GPC6: variants seen among roughly 807,000 people sequenced by gnomAD.
The protein encoded by GPC6 is glypican 6.
Under a neutral mutation model 55.2 loss-of-function variants are expected in GPC6, and 14 were observed. The observed-to-expected ratio is 0.25, with a 90% CI of 0.17 to 0.40. The LOEUF (loss-of-function observed/expected upper bound fraction) is 0.40, where lower values mean the gene tolerates loss of function less well. GPC6 is among the 10% of genes least tolerant of loss of function. The pLI is 1.00. For missense variants in GPC6, 641 were observed against 708.5 expected, an observed-to-expected ratio of 0.90 and a Z score of 1.08; for synonymous variants, 278 against 259.6, an observed-to-expected ratio of 1.07 and a Z score of -0.68.
rs762032774 is a variant in GPC6, at chr13:94,388,601, A to G, written c.1289+6051A>G. On this transcript the variant is annotated intron_variant, in intron 7 of 8. Transcript: ENST00000377047. ...TTTATTCAATTAGTGTCTTAGCTCAAAAAATACCACAGATATAATAGACTA... is the reference window on the plus strand; with the variant it reads ...TTTATTCAATTAGTGTCTTAGCTCAGAAAATACCACAGATATAATAGACTA... Among the ~76,000 whole-genome samples the G allele has an allele frequency of 1.4e-4, 21 of 152,230 alleles. 1 individual carries two copies. The highest frequency in any genetic ancestry group is 6.5e-5 in the Admixed American group (1 of 15,288).
rs537560395 is a variant in GPC6, at chr13:93,647,563, A to G, written c.319+102142A>G. 1.1e-3 allele frequency among the ~76,000 whole-genome samples: 164 copies of G among 152,280 alleles called. 1 individual carries two copies. Among genetic ancestry groups the G allele is most frequent in the African/African-American group, 3.8e-3 (159 of 41,578 alleles). On this transcript the variant is annotated intron_variant, in intron 2 of 8. Transcript: ENST00000377047. ...ATGCTGAGGCCTGCAGAGACCAGAC[A>G]TGACTTAGGACGTGGATGAGGCTCA...
chr13:93,824,893 A>G (rs1234115460), intron 2 of GPC6, among the ~76,000 whole-genome samples: 2 of 151,998 alleles, frequency 1.3e-5, no homozygotes, highest in Non-Finnish European at 2.9e-5. Context: ...ACCACTTTTT[A>G]AGGCACTATC....
chr13:93,339,806 A>C (rs563336989), intron 1 of GPC6, among the ~76,000 whole-genome samples: 2 of 152,306 alleles, frequency 1.3e-5, no homozygotes, highest in South Asian at 4.1e-4. Flanking sequence ...TACATCAAAA[A>C]AGCTCTGCTT....
At chr13:93,295,494 T>C (rs1878463238) in intron 1 of GPC6, among the ~76,000 whole-genome samples, 1 of 151,870 alleles carries the variant, frequency 6.6e-6, no homozygotes, top group African/African-American at 2.4e-5. Context: ...TTGTTTTTTG[T>C]TTGTTTGTGT....
chr13:94,331,954 G>T (rs761455966), intron 6 of GPC6, among the ~76,000 whole-genome samples: 1 of 152,078 alleles, frequency 6.6e-6, no homozygotes, highest in Non-Finnish European at 1.5e-5. Flanking sequence ...GTCAATAAGC[G>T]ATGGAGAAAT....
chr13:93,428,474 C>T (rs2139270781), intron 1 of GPC6, among the ~76,000 whole-genome samples: 1 of 152,068 alleles, frequency 6.6e-6, no homozygotes, highest in African/African-American at 2.4e-5. Flanking sequence ...ATTTTCTCTC[C>T]ATTAGAATAT....
intron 3 of GPC6, among the ~76,000 whole-genome samples, chr13:93,970,519 G>A (rs756619192): frequency 2.6e-5 from 4 of 152,180 alleles, no homozygotes; most frequent in Non-Finnish European, 5.9e-5. Flanking sequence ...TGTCCTAGCA[G>A]AGCATTCTCA....
chr13:94,015,563 C>T (rs1882431609), intron 3 of GPC6, among the ~76,000 whole-genome samples: 1 of 152,040 alleles, frequency 6.6e-6, no homozygotes, highest in Non-Finnish European at 1.5e-5. Flanking sequence ...CTTTTGGTGT[C>T]ATACTAAGAA....
intron 6 of GPC6, among the ~76,000 whole-genome samples, chr13:94,368,066 T>G (rs1879363199): frequency 6.6e-6 from 1 of 151,088 alleles, no homozygotes. Flanking sequence ...GGAGAATCGC[T>G]TGAACCCAGG....
At chr13:93,963,888 G>T (rs1445087768) in intron 3 of GPC6, among the ~76,000 whole-genome samples, 1 of 152,088 alleles carries the variant, frequency 6.6e-6, no homozygotes, top group Non-Finnish European at 1.5e-5. Context: ...TCAGCCCTTT[G>T]GTACCATTCT....
intron 2 of GPC6, among the ~76,000 whole-genome samples, chr13:93,787,272 G>A (rs532348665): frequency 1.3e-4 from 20 of 152,264 alleles, no homozygotes; most frequent in African/African-American, 4.8e-4. Context: ...AAATTTCTCT[G>A]TACAGAGCAG....
intron 1 of GPC6, among the ~76,000 whole-genome samples, chr13:93,487,368 C>T (rs1879766783): frequency 6.6e-6 from 1 of 152,134 alleles, no homozygotes; most frequent in African/African-American, 2.4e-5. Flanking sequence ...CTCCCTTCTC[C>T]CATCCTCTAC....
At chr13:93,229,395 G>A (rs916210947) in intron 1 of GPC6, among the ~76,000 whole-genome samples, 8 of 152,106 alleles carry the variant, frequency 5.3e-5, no homozygotes, top group African/African-American at 1.9e-4. Context: ...CATGATTTCA[G>A]ATAAGATGTC....
intron 4 of GPC6, among the ~76,000 whole-genome samples, chr13:94,171,390 G>A (rs1888564060): frequency 6.6e-6 from 1 of 152,170 alleles, no homozygotes; most frequent in African/African-American, 2.4e-5. Flanking sequence ...AACATTAGGA[G>A]ACTTTTCAGG....
chr13:93,438,896 C>T (rs1419332854), intron 1 of GPC6, among the ~76,000 whole-genome samples: 1 of 152,044 alleles, frequency 6.6e-6, no homozygotes, highest in African/African-American at 2.4e-5. Flanking sequence ...TTATTGTTGT[C>T]CTATTTTAAG....
intron 4 of GPC6, among the ~76,000 whole-genome samples, chr13:94,269,798 T>C (rs755947056): frequency 6.6e-6 from 1 of 152,138 alleles, no homozygotes; most frequent in Non-Finnish European, 1.5e-5. Flanking sequence ...TTTACTGCGC[T>C]CCCTCCTAGT....
At chr13:93,956,434 T>C (rs542009293) in intron 3 of GPC6, among the ~76,000 whole-genome samples, 1 of 152,308 alleles carries the variant, frequency 6.6e-6, no homozygotes, top group African/African-American at 2.4e-5. Flanking sequence ...TTAAAACTAC[T>C]CAGACTGTGT....
intron 5 of GPC6, among the ~76,000 whole-genome samples, chr13:94,292,580 C>G (rs1875044585): frequency 6.6e-6 from 1 of 152,102 alleles, no homozygotes; most frequent in Non-Finnish European, 1.5e-5. Context: ...TCTTCTTTCT[C>G]TCTTATGTAT....
intron 3 of GPC6, among the ~76,000 whole-genome samples, chr13:93,890,511 T>C (rs1875608647): frequency 6.6e-6 from 1 of 152,022 alleles, no homozygotes; most frequent in Admixed American, 6.6e-5. Flanking sequence ...TCGAGTGCCT[T>C]TTGTTGTTAT....
Sources: allele counts gnomAD v4.1 joint callset (sites outside exome capture counted in the v4.1 genomes callset), GRCh38; gene constraint gnomAD v4.1.1; transcripts MANE v1.5; gene names NCBI Gene and HGNC (gene_info 2026-07-23, HGNC 2026-07-21).